Variants in HEATR4 observed in about 807,000 individuals in gnomAD.
The protein encoded by HEATR4 is HEAT repeat containing 4.
A neutral mutation model predicts 108.8 loss-of-function variants in HEATR4; 95 were observed. That is an observed-to-expected ratio of 0.87 (90% confidence interval 0.74 to 1.04). The LOEUF (loss-of-function observed/expected upper bound fraction) is 1.04. Ranked by LOEUF, HEATR4 falls within the 50% of genes least tolerant of loss-of-function variation. HEATR4 has a pLI of 0.00. For missense variants in HEATR4, 1,152 were observed against 1,253.8 expected, an observed-to-expected ratio of 0.92 and a Z score of 1.23; for synonymous variants, 443 against 459.4, an observed-to-expected ratio of 0.96 and a Z score of 0.46.
At chr14:73,592,540 A>C in the HEATR4 span, 1 of 1,189,844 alleles carries the variant, frequency 8.4e-7, no homozygotes, top group East Asian at 2.7e-5. Context: ...TGACTATGTC[A>C]GTGGCCACTC....
At chr14:73,527,040 C>T (rs1888383722) in intron 2 of HEATR4, among the ~76,000 whole-genome samples, 1 of 152,136 alleles carries the variant, frequency 6.6e-6, no homozygotes, top group South Asian at 2.1e-4. Flanking sequence ...ACCAAAGATA[C>T]AGGAGTATCC....
chr14:73,522,249 A>G (rs1023593371), intron 3 of HEATR4, 23 bp downstream of exon 3: 1 of 1,601,064 alleles, frequency 6.2e-7, no homozygotes, highest in Non-Finnish European at 8.5e-7. Flanking sequence ...TCAAAGGTGC[A>G]CTTGAGGCCC....
chr14:73,484,442 G>A (rs924811289), intron 17 of HEATR4, among the ~76,000 whole-genome samples: 4 of 151,914 alleles, frequency 2.6e-5, no homozygotes, highest in South Asian at 2.1e-4. Flanking sequence ...GCAGTGGCGC[G>A]ATCCTGGCTC....
At chr14:73,490,092 T>G (rs1885618969) in intron 17 of HEATR4, among the ~76,000 whole-genome samples, 1 of 152,226 alleles carries the variant, frequency 6.6e-6, no homozygotes, top group Non-Finnish European at 1.5e-5. Context: ...AAGTAGCCAT[T>G]TCTCCTGGGG....
At chr14:73,551,534 G>A (rs571956942) in intron 1 of HEATR4, among the ~76,000 whole-genome samples, 2 of 114,130 alleles carry the variant, frequency 1.8e-5, no homozygotes, top group South Asian at 2.8e-4. Context: ...CAGGCCAGGC[G>A]CGGTGGCTCA....
chr14:73,572,349 A>G, the HEATR4 span, among the ~76,000 whole-genome samples: 38 of 152,004 alleles, frequency 2.5e-4, no homozygotes, highest in Non-Finnish European at 4.3e-4. Context: ...GAAAAGAAAA[A>G]AAAAGAATCA....
the HEATR4 span, chr14:73,569,625 G>T: frequency 6.2e-7 from 1 of 1,601,008 alleles, no homozygotes; most frequent in African/African-American, 1.3e-5. Flanking sequence ...GCGCGCGCCC[G>T]CGCTGGGCGG....
chr14:73,575,441 T>C, the HEATR4 span: 2 of 1,416,136 alleles, frequency 1.4e-6, no homozygotes, highest in Admixed American at 2.4e-5. Context: ...AGGTGGATGC[T>C]TGGAAACAAC....
chr14:73,579,573 C>CAAAAA, the HEATR4 span, among the ~76,000 whole-genome samples: 1 of 56,206 alleles, frequency 1.8e-5, no homozygotes, highest in Non-Finnish European at 3.2e-5. Flanking sequence ...AAAGCCGTCT[C>CAAAAA]AAAAAAAAAA....
At chr14:73,564,798 G>A in the HEATR4 span, among the ~76,000 whole-genome samples, 1 of 142,114 alleles carries the variant, frequency 7.0e-6, no homozygotes, top group Non-Finnish European at 1.5e-5. Context: ...CTCCTCCTGG[G>A]CTCAAGCAAT....
At chr14:73,482,478 C>A (rs1022330770) in intron 17 of HEATR4, among the ~76,000 whole-genome samples, 2 of 152,008 alleles carry the variant, frequency 1.3e-5, no homozygotes, top group Admixed American at 6.6e-5. Flanking sequence ...GCCGAGACTG[C>A]GCCACTGCAC....
chr14:73,554,799 G>T (rs1444832538), intron 1 of HEATR4, among the ~76,000 whole-genome samples: 1 of 114,134 alleles, frequency 8.8e-6, no homozygotes, highest in Non-Finnish European at 1.9e-5. Flanking sequence ...CTTTATATTT[G>T]ATAGACTGTT....
the HEATR4 span, chr14:73,617,207 T>C: frequency 8.1e-6 from 13 of 1,614,054 alleles, no homozygotes; most frequent in Non-Finnish European, 1.0e-5. Flanking sequence ...GTTCTGGTGA[T>C]CACCTGAGTG....
At chr14:73,497,700 C>T (rs1886187351) in intron 14 of HEATR4, among the ~76,000 whole-genome samples, 1 of 152,078 alleles carries the variant, frequency 6.6e-6, no homozygotes, top group Non-Finnish European at 1.5e-5. Flanking sequence ...CATCTCGGCT[C>T]ACCGCAACCT....
the HEATR4 span, chr14:73,612,758 G>C: frequency 2.9e-6 from 4 of 1,372,640 alleles, no homozygotes; most frequent in Non-Finnish European, 3.7e-6. Flanking sequence ...GCTGGACCTG[G>C]AGCGCGCGCC....
At chr14:73,568,269 A>G in the HEATR4 span, 1 of 151,920 alleles carries the variant, frequency 6.6e-6, no homozygotes, top group Non-Finnish European at 1.5e-5. Flanking sequence ...AAGCCTACAC[A>G]TTTATAGCTT....
chr14:73,583,866 GGT>G, the HEATR4 span, among the ~76,000 whole-genome samples: 17 of 151,904 alleles, frequency 1.1e-4, no homozygotes, highest in South Asian at 2.1e-4. Context: ...CGGGTGTGGT[GGT>G]GCGCACCTGT....
Position 73,537,743 on chromosome 14 carries a change from G to A in HEATR4, c.-151-7499C>T, listed in dbSNP as rs781438917. 5.9e-5 allele frequency: 73 copies of A among 1,244,230 alleles called. 22 individuals carry two copies. The highest frequency in any genetic ancestry group is 3.4e-4 in the Admixed American group (14 of 40,918). The allele number at this position is 1,244,230 out of a possible 1,614,324, so 77.1% of individuals were successfully genotyped here. On this transcript the variant is annotated intron_variant, in intron 1 of 17. Coordinates refer to ENST00000553558, the MANE Select transcript of HEATR4 (RefSeq NM_001220484.1). ...AACGCCCTTGGCCGTGGAGCTGGAG[G>A]TGCTGGATGGCCACGACCCCGACCC...
At chr14:73,483,102 T>C (rs946655071) in intron 17 of HEATR4, among the ~76,000 whole-genome samples, 3 of 152,142 alleles carry the variant, frequency 2.0e-5, no homozygotes, top group Non-Finnish European at 4.4e-5. Flanking sequence ...ACTTCGGAAA[T>C]GTGTGGAATC....
Sources: gnomAD v4.1 joint callset for allele counts (sites outside exome capture counted in the v4.1 genomes callset) on GRCh38, gnomAD v4.1.1 for gene constraint, MANE v1.5 for transcripts, NCBI Gene and HGNC (gene_info 2026-07-23, HGNC 2026-07-21) for gene names.